Variants in MAGI1 observed in about 807,000 individuals in gnomAD.
MAGI1 encodes membrane-associated guanylate kinase, WW and PDZ domain-containing protein 1.
MAGI1 carries 58 observed loss-of-function variants against 139.9 expected under a neutral mutation model. The observed-to-expected ratio is 0.41, with a 90% CI of 0.34 to 0.52. The LOEUF (loss-of-function observed/expected upper bound fraction) is 0.52, where lower values mean the gene tolerates loss of function less well. Ranked by LOEUF, MAGI1 falls within the 20% of genes least tolerant of loss-of-function variation. The pLI is 0.12. For missense variants in MAGI1, 1,874 were observed against 1,901.6 expected, an observed-to-expected ratio of 0.99 and a Z score of 0.27; for synonymous variants, 812 against 737.9, an observed-to-expected ratio of 1.10 and a Z score of -1.63.
intron 2 of MAGI1, among the ~76,000 whole-genome samples, chr3:65,592,805 C>A (rs2082027831): frequency 6.6e-6 from 1 of 152,126 alleles, no homozygotes; most frequent in Non-Finnish European, 1.5e-5. Context: ...TTTGTTTTGC[C>A]AACCACAGTA....
At chr3:66,001,331 TATATA>T (rs1404251111) in intron 1 of MAGI1, among the ~76,000 whole-genome samples, 1 of 152,160 alleles carries the variant, frequency 6.6e-6, no homozygotes, top group East Asian at 1.9e-4. Context: ...TCAAAAAAGA[TATATA>T]ATATCTAAAA....
At chr3:66,018,794 C>T (rs968236615) in intron 1 of MAGI1, among the ~76,000 whole-genome samples, 2 of 152,220 alleles carry the variant, frequency 1.3e-5, no homozygotes, top group Non-Finnish European at 2.9e-5. Flanking sequence ...TACCTCCCAT[C>T]CTCCTCTTTC....
At chr3:65,872,523 C>A (rs1050433844) in intron 1 of MAGI1, among the ~76,000 whole-genome samples, 26 of 152,090 alleles carry the variant, frequency 1.7e-4, no homozygotes, top group African/African-American at 6.3e-4. Context: ...GAGATTAAAA[C>A]AGAAGAGGAT....
At chr3:65,795,694 G>GAT (rs1451459875) in intron 1 of MAGI1, among the ~76,000 whole-genome samples, 1 of 62,486 alleles carries the variant, frequency 1.6e-5, no homozygotes, top group Non-Finnish European at 3.3e-5. Flanking sequence ...AAGATGATAA[G>GAT]ATACACACAC....
intron 1 of MAGI1, among the ~76,000 whole-genome samples, chr3:65,935,264 G>A (rs754783527): frequency 6.6e-6 from 1 of 152,180 alleles, no homozygotes; most frequent in Non-Finnish European, 1.5e-5. Flanking sequence ...AGAACTGAAA[G>A]AGGTTTAGTG....
At position 65,595,075 on chromosome 3, in the gene MAGI1, G is replaced by A. The variant is rs76094021; in HGVS notation, c.430+26897C>T. ...TCAATAACTGGTGTCAATTAAGCAC[G>A]GTGTTTAGCTCCTTTGTAAATATGG... On this transcript the variant is annotated intron_variant, in intron 2 of 22. Transcript: ENST00000402939. 7.3e-3 allele frequency among the ~76,000 whole-genome samples: 1,107 copies of A among 152,214 alleles called. 14 individuals carry two copies. Among genetic ancestry groups the A allele is most frequent in the African/African-American group, 0.025 (1,059 of 41,540 alleles).
chr3:65,710,065 A>G (rs1400385779), intron 1 of MAGI1, among the ~76,000 whole-genome samples: 1 of 152,166 alleles, frequency 6.6e-6, no homozygotes, highest in Non-Finnish European at 1.5e-5. Flanking sequence ...TCTTTTGTAG[A>G]CTACCTTGTT....
intron 1 of MAGI1, among the ~76,000 whole-genome samples, chr3:65,927,747 A>G (rs1397538354): frequency 6.6e-6 from 1 of 152,174 alleles, no homozygotes; most frequent in East Asian, 1.9e-4. Context: ...GATCAACATC[A>G]GCCAAGAGTA....
rs562077247 is a variant in MAGI1 at position 65,738,767 on chromosome 3, A to C, written c.314-116679T>G. ...GTAGCAGTAACAATACATTGAAAGGAATCTTTTTTCTTCTGAGGAAGTAGG... is the reference window on the plus strand; with the variant it reads ...GTAGCAGTAACAATACATTGAAAGGCATCTTTTTTCTTCTGAGGAAGTAGG... On this transcript the variant is annotated intron_variant, in intron 1 of 22. Transcript: ENST00000402939. 2.0e-5 allele frequency among the ~76,000 whole-genome samples: 3 copies of C among 152,188 alleles called. No individual in the cohort carries two copies. In the South Asian group the frequency reaches 6.2e-4, roughly 31 times the overall value.
At chr3:66,026,668 T>C (rs979048947) in intron 1 of MAGI1, among the ~76,000 whole-genome samples, 2 of 151,558 alleles carry the variant, frequency 1.3e-5, no homozygotes, top group African/African-American at 4.9e-5. Flanking sequence ...GCATGGAGGA[T>C]AGAGAGAGGG....
intron 1 of MAGI1, among the ~76,000 whole-genome samples, chr3:65,792,040 A>G (rs1396411750): frequency 3.3e-5 from 5 of 152,054 alleles, no homozygotes; most frequent in Non-Finnish European, 7.4e-5. Flanking sequence ...CTATACATAC[A>G]TACATACATA....
At chr3:65,877,441 T>C (rs1367398516) in intron 1 of MAGI1, among the ~76,000 whole-genome samples, 1 of 152,150 alleles carries the variant, frequency 6.6e-6, no homozygotes, top group Non-Finnish European at 1.5e-5. Context: ...CACCCACAGA[T>C]ATTTTAATGT....
intron 2 of MAGI1, among the ~76,000 whole-genome samples, chr3:65,501,120 A>G (rs912327563): frequency 6.6e-6 from 1 of 152,066 alleles, no homozygotes; most frequent in African/African-American, 2.4e-5. Flanking sequence ...CTCAAATCAA[A>G]CTGCCTTTTG....
chr3:65,928,621 C>G (rs1038371243), intron 1 of MAGI1, among the ~76,000 whole-genome samples: 4 of 151,980 alleles, frequency 2.6e-5, no homozygotes, highest in Non-Finnish European at 4.4e-5. Context: ...TCCTTTCAGC[C>G]GAAAGACTAA....
chr3:65,982,924 T>G (rs1249433973), intron 1 of MAGI1, among the ~76,000 whole-genome samples: 6 of 152,132 alleles, frequency 3.9e-5, no homozygotes, highest in Admixed American at 3.9e-4. Context: ...ATTTTTTATT[T>G]TTTTATTTTT....
intron 1 of MAGI1, among the ~76,000 whole-genome samples, chr3:65,866,598 A>G (rs1472451089): frequency 4.6e-5 from 7 of 152,104 alleles, no homozygotes; most frequent in Non-Finnish European, 2.9e-5. Context: ...ACTTTGGAAC[A>G]AAAGAACTAA....
At chr3:65,461,386 T>C (rs1016877787) in intron 5 of MAGI1, among the ~76,000 whole-genome samples, 17 of 151,916 alleles carry the variant, frequency 1.1e-4, no homozygotes, top group Non-Finnish European at 2.2e-4. Flanking sequence ...CGCCTAGTTT[T>C]TTGTATTTTT....
chr3:65,853,114 C>T (rs1251290400), intron 1 of MAGI1, among the ~76,000 whole-genome samples: 1 of 151,648 alleles, frequency 6.6e-6, no homozygotes, highest in East Asian at 1.9e-4. Context: ...TGCATTGAGC[C>T]GAGATTTGTG....
Position 66,032,385 on chromosome 3 carries a change from GT to G in MAGI1, c.313+5610del, listed in dbSNP as rs386396910. Among the ~76,000 whole-genome samples the G allele has an allele frequency of 1.5e-3, 205 of 134,224 alleles. 2 individuals are homozygous for G. Among genetic ancestry groups the G allele is most frequent in the Admixed American group, 3.1e-3 (40 of 12,920 alleles). 88.1% of individuals were successfully genotyped at this position (134,224 alleles called of 152,430 possible). A position where few individuals can be genotyped will look rare whatever the true frequency, so the allele number is the denominator to read the frequency against. On this transcript the variant is annotated intron_variant, in intron 1 of 22. Coordinates refer to ENST00000402939, the MANE Select transcript of MAGI1 (RefSeq NM_001033057.2). ...ACCACCACGCCCGGCTAATTTTTTT[GT>G]TTTTTTTTTTTTTTTAGTAGAGACA...
Sources: allele counts gnomAD v4.1 joint callset (sites outside exome capture counted in the v4.1 genomes callset), GRCh38; gene constraint gnomAD v4.1.1; transcripts MANE v1.5; gene names NCBI Gene and HGNC (gene_info 2026-07-23, HGNC 2026-07-21).